Variants in MTUS1 observed in about 807,000 individuals in gnomAD.
MTUS1 encodes microtubule-associated tumor suppressor 1.
MTUS1 carries 109 observed loss-of-function variants against 120.8 expected under a neutral mutation model. The observed-to-expected ratio is 0.90, with a 90% confidence interval of 0.77 to 1.06. The LOEUF (loss-of-function observed/expected upper bound fraction) is 1.06. MTUS1 is among the 50% of genes least tolerant of loss of function. MTUS1 has a pLI of 0.00. For synonymous variants in MTUS1, 737 were observed against 550.5 expected, an observed-to-expected ratio of 1.34 and a Z score of -4.74; for missense variants, 2,210 against 1,486.3, an observed-to-expected ratio of 1.49 and a Z score of -8.01.
intron 2 of MTUS1, among the ~76,000 whole-genome samples, chr8:17,753,325 C>A (rs2131331970): frequency 6.6e-6 from 1 of 152,292 alleles, no homozygotes; most frequent in African/African-American, 2.4e-5. Flanking sequence ...ACCAGCACTC[C>A]CAAGCCCTTT....
chr8:17,743,510 CTG>C, intron 3 of MTUS1, 92 bp downstream of exon 3: 1 of 1,203,912 alleles, frequency 8.3e-7, no homozygotes, highest in Non-Finnish European at 1.2e-6. Flanking sequence ...AAAAGGCTAA[CTG>C]CTTTAGTGAC....
intron 1 of MTUS1, among the ~76,000 whole-genome samples, chr8:17,761,774 G>C (rs1172332623): frequency 1.3e-5 from 2 of 152,150 alleles, no homozygotes; most frequent in Non-Finnish European, 2.9e-5. Context: ...AGTCCTTTAA[G>C]ATGTGAATAC....
Position 17,713,729 on chromosome 8 carries a change from G to A in MTUS1, c.2585-477C>T, listed in dbSNP as rs569604601. Among the ~76,000 whole-genome samples, 7 of 152,196 alleles carry A rather than the reference G, an allele frequency of 4.6e-5. No individual in the cohort carries two copies. The South Asian group carries it at 8.3e-4, about 18-fold the overall frequency. On this transcript the variant is annotated intron_variant, in intron 5 of 14. Coordinates refer to ENST00000693296, the MANE Select transcript of MTUS1 (RefSeq NM_001363059.2). The stretch of plus-strand genomic sequence containing the variant: ...AACTGATAAAATATAAAATCAGGAG[G>A]GGTAATAGGTACACAGCTGTAAGTC...
At chr8:17,730,639 G>A (rs551397914) in intron 3 of MTUS1, among the ~76,000 whole-genome samples, 5 of 152,258 alleles carry the variant, frequency 3.3e-5, no homozygotes, top group East Asian at 3.9e-4. Flanking sequence ...GATATACCAC[G>A]GAATACTATT....
At chr8:17,712,831 CAT>C (rs1474938973) in intron 6 of MTUS1, among the ~76,000 whole-genome samples, 3 of 151,130 alleles carry the variant, frequency 2.0e-5, no homozygotes, top group African/African-American at 4.9e-5. Context: ...AAAAAAAAAA[CAT>C]AAAAATATAG....
chr8:17,646,667 G>A (rs964877931), intron 14 of MTUS1, among the ~76,000 whole-genome samples: 9 of 152,156 alleles, frequency 5.9e-5, no homozygotes, highest in African/African-American at 2.2e-4. Context: ...TATTCGACAT[G>A]TTTTATGACT....
chr8:17,775,523 G>A (rs900333461), intron 1 of MTUS1, among the ~76,000 whole-genome samples: 3 of 152,134 alleles, frequency 2.0e-5, no homozygotes, highest in South Asian at 2.1e-4. Context: ...CTAGATGGTC[G>A]CACAGAAAGC....
At chr8:17,676,068 T>G in intron 7 of MTUS1, 1 of 571,822 alleles carries the variant, frequency 1.7e-6, no homozygotes, top group Middle Eastern at 3.2e-4. Flanking sequence ...AATGAAGAAT[T>G]TCAAAGCTCG....
chr8:17,711,045 T>G (rs967284470), intron 6 of MTUS1, among the ~76,000 whole-genome samples: 3 of 152,172 alleles, frequency 2.0e-5, no homozygotes, highest in Admixed American at 2.0e-4. Flanking sequence ...TGTAAACAAA[T>G]ACGCTGTCAT....
chr8:17,692,878 G>A (rs1817232536), intron 6 of MTUS1, among the ~76,000 whole-genome samples: 1 of 152,112 alleles, frequency 6.6e-6, no homozygotes, highest in Non-Finnish European at 1.5e-5. Context: ...AATGGCAAAA[G>A]TAAATGGAAA....
intron 1 of MTUS1, among the ~76,000 whole-genome samples, chr8:17,787,437 A>C (rs1346675074): frequency 4.6e-5 from 7 of 152,234 alleles, no homozygotes; most frequent in Non-Finnish European, 1.0e-4. Context: ...AATGGACATT[A>C]AACTCTACTC....
Position 17,645,120 on chromosome 8 carries a change from G to C in MTUS1, c.*806C>G, listed in dbSNP as rs936622924. ...GGTTCTACATTTACACATAGCCTGA[G>C]AAAATGAATTACAGGATAGTGTTAG... On this transcript the variant is annotated 3_prime_UTR_variant, in exon 15 of 15. Coordinates refer to ENST00000693296, the MANE Select transcript of MTUS1 (RefSeq NM_001363059.2). 11 of 152,496 alleles carry C rather than the reference G, an allele frequency of 7.2e-5. No individual in the cohort carries two copies. The highest frequency in any genetic ancestry group is 2.7e-4 in the African/African-American group (11 of 41,410). 9.4% of individuals were successfully genotyped at this position (152,496 alleles called of 1,614,324 possible).
chr8:17,761,590 A>T (rs1187827187), intron 1 of MTUS1, among the ~76,000 whole-genome samples: 3 of 152,190 alleles, frequency 2.0e-5, no homozygotes. Context: ...TCTCCCTATT[A>T]CCCACAGTGT....
chr8:17,707,352 C>A (rs1820375458), intron 6 of MTUS1, among the ~76,000 whole-genome samples: 1 of 152,174 alleles, frequency 6.6e-6, no homozygotes, highest in African/African-American at 2.4e-5. Context: ...TTGTGGTCCT[C>A]TGTCCACACA....
intron 3 of MTUS1, among the ~76,000 whole-genome samples, chr8:17,732,778 G>A (rs1028278143): frequency 2.6e-5 from 4 of 151,870 alleles, no homozygotes; most frequent in Admixed American, 1.3e-4. Context: ...ATGTTCATCC[G>A]TGACTCCTCC....
intron 7 of MTUS1, among the ~76,000 whole-genome samples, chr8:17,677,385 C>T (rs34174450): frequency 0.48 from 72,738 of 151,954 alleles, 20,155 homozygotes; most frequent in Middle Eastern, 0.67. Context: ...ATTTGGTGAA[C>T]TTGCTTAAAA....
chr8:17,795,262 T>C (rs920904701), intron 1 of MTUS1, among the ~76,000 whole-genome samples: 5 of 152,160 alleles, frequency 3.3e-5, no homozygotes, highest in Non-Finnish European at 7.3e-5. Context: ...TAAGTATGAG[T>C]CTTTCCCAAG....
chr8:17,672,305 T>G (rs1479578070), intron 8 of MTUS1, among the ~76,000 whole-genome samples: 1 of 151,572 alleles, frequency 6.6e-6, no homozygotes, highest in Non-Finnish European at 1.5e-5. Flanking sequence ...TACAATGCAT[T>G]ACCTCATGTA....
chr8:17,700,900 TCAAA>T lies in MTUS1; in HGVS notation c.2623+12310_2623+12313del, dbSNP rs548058672. 1.2e-4 allele frequency among the ~76,000 whole-genome samples: 11 copies of T among 91,314 alleles called. No homozygotes were observed. In the East Asian group the frequency reaches 2.1e-3, roughly 17 times the overall value. 59.9% of individuals were successfully genotyped at this position (91,314 alleles called of 152,430 possible). On this transcript the variant is annotated intron_variant, in intron 6 of 14. Coordinates refer to ENST00000693296, the MANE Select transcript of MTUS1 (RefSeq NM_001363059.2). ...AGTATGTTGTAATATCACAGTATAT[TCAAA>T]CAAACAGAAATTCCACTGGTCTGCA...
Sources: allele counts gnomAD v4.1 joint callset (sites outside exome capture counted in the v4.1 genomes callset), GRCh38; gene constraint gnomAD v4.1.1; transcripts MANE v1.5; gene names NCBI Gene and HGNC (gene_info 2026-07-23, HGNC 2026-07-21).